Variants in PDZRN4 observed in about 807,000 individuals in gnomAD.
PDZRN4 encodes PDZ domain containing ring finger 4.
Under a neutral mutation model 99.0 loss-of-function variants are expected in PDZRN4, and 70 were observed. The ratio of observed to expected loss-of-function variants is 0.71; its 90% CI spans 0.58 to 0.86. The LOEUF (loss-of-function observed/expected upper bound fraction) is 0.86. Among genes scored for constraint, PDZRN4 ranks in the 40% least tolerant of loss-of-function variants. The pLI, the probability that PDZRN4 is intolerant of heterozygous loss-of-function variation, is 0.00. For synonymous variants in PDZRN4, 551 were observed against 501.6 expected (o/e 1.10, Z -1.32); for missense variants, 1,474 against 1,331.2 (o/e 1.11, Z -1.67).
chr12:41,453,223 G>A (rs78766272), intron 3 of PDZRN4, among the ~76,000 whole-genome samples: 1 of 152,072 alleles, frequency 6.6e-6, no homozygotes, highest in Non-Finnish European at 1.5e-5. Context: ...TGAATCCCTC[G>A]ATCCTGAAGA....
chr12:41,394,207 A>T (rs1166874126), intron 3 of PDZRN4, among the ~76,000 whole-genome samples: 1 of 152,066 alleles, frequency 6.6e-6, no homozygotes. Context: ...AATCCCATTC[A>T]TCAGGGATTC....
At chr12:41,305,920 G>A (rs1044226888) in intron 3 of PDZRN4, among the ~76,000 whole-genome samples, 17 of 152,242 alleles carry the variant, frequency 1.1e-4, no homozygotes, top group African/African-American at 2.2e-4. Context: ...TGAGGCTCAA[G>A]GTACAATTCC....
intron 3 of PDZRN4, among the ~76,000 whole-genome samples, chr12:41,369,161 T>C (rs112997257): frequency 0.011 from 1,623 of 152,226 alleles, 31 homozygotes; most frequent in African/African-American, 0.037. Context: ...ATCTTTATTA[T>C]AGCTTATTAA....
intron 4 of PDZRN4, among the ~76,000 whole-genome samples, chr12:41,507,500 T>A (rs1050877973): frequency 9.9e-5 from 15 of 152,120 alleles, no homozygotes; most frequent in Non-Finnish European, 2.9e-5. Flanking sequence ...CTCTACTTCA[T>A]AAAACAAAGA....
chr12:41,414,450 T>A (rs1452115071), intron 3 of PDZRN4, among the ~76,000 whole-genome samples: 1 of 152,186 alleles, frequency 6.6e-6, no homozygotes, highest in Non-Finnish European at 1.5e-5. Flanking sequence ...AGAATGCCAA[T>A]AATTTGTAAG....
chr12:41,398,135 A>G (rs1952263258), intron 3 of PDZRN4, among the ~76,000 whole-genome samples: 1 of 152,092 alleles, frequency 6.6e-6, no homozygotes, highest in African/African-American at 2.4e-5. Flanking sequence ...ACTATTACTA[A>G]TCTACTCTCA....
intron 3 of PDZRN4, among the ~76,000 whole-genome samples, chr12:41,290,972 A>C (rs1364426543): frequency 6.6e-6 from 1 of 152,128 alleles, no homozygotes; most frequent in Admixed American, 6.5e-5. Context: ...AAATGAGAGA[A>C]TGAAAGCCTC....
chr12:41,361,971 T>C (rs1409912769), intron 3 of PDZRN4, among the ~76,000 whole-genome samples: 1 of 152,044 alleles, frequency 6.6e-6, no homozygotes, highest in Admixed American at 6.6e-5. Flanking sequence ...AGCCATTTGT[T>C]GGCATTATCA....
At chr12:41,540,339 T>C (rs1327784830) in intron 5 of PDZRN4, among the ~76,000 whole-genome samples, 1 of 152,222 alleles carries the variant, frequency 6.6e-6, no homozygotes, top group African/African-American at 2.4e-5. Flanking sequence ...AGGGGTGTTA[T>C]AGTACGGCAT....
intron 3 of PDZRN4, among the ~76,000 whole-genome samples, chr12:41,255,673 G>A (rs1227178220): frequency 3.3e-5 from 5 of 152,116 alleles, no homozygotes; most frequent in African/African-American, 1.2e-4. Flanking sequence ...AATTTAGAAA[G>A]AAAAGAGGTT....
At chr12:41,310,962 T>A (rs1444411342) in intron 3 of PDZRN4, among the ~76,000 whole-genome samples, 3 of 152,176 alleles carry the variant, frequency 2.0e-5, no homozygotes, top group African/African-American at 7.2e-5. Context: ...ATCAGCTTTC[T>A]CTGATCTAGA....
intron 3 of PDZRN4, among the ~76,000 whole-genome samples, chr12:41,239,550 AG>A (rs1951089919): frequency 6.6e-6 from 1 of 152,238 alleles, no homozygotes; most frequent in African/African-American, 2.4e-5. Flanking sequence ...GTAATAACAT[AG>A]GGAAATTACA....
intron 3 of PDZRN4, among the ~76,000 whole-genome samples, chr12:41,340,025 C>CA (rs1000427702): frequency 6.6e-6 from 1 of 151,940 alleles, no homozygotes; most frequent in Non-Finnish European, 1.5e-5. Context: ...GAAAGTTCCT[C>CA]AAAAAACTAA....
chr12:41,557,148 CAAAAAAAAAAAAAAA>C (rs112787721), intron 7 of PDZRN4, among the ~76,000 whole-genome samples: 2 of 57,978 alleles, frequency 3.4e-5, no homozygotes, highest in African/African-American at 8.8e-5. Context: ...GAGACACTCT[CAAAAAAAAAAAAAAA>C]AAAAAAAAAA....
At chr12:41,549,892 G>C (rs1360020548) in intron 5 of PDZRN4, among the ~76,000 whole-genome samples, 1 of 152,124 alleles carries the variant, frequency 6.6e-6, no homozygotes, top group African/African-American at 2.4e-5. Flanking sequence ...GGAGGGTGTT[G>C]AGTGTCTTAC....
At chr12:41,516,742 T>A (rs1370170904) in intron 5 of PDZRN4, among the ~76,000 whole-genome samples, 1 of 151,934 alleles carries the variant, frequency 6.6e-6, no homozygotes, top group East Asian at 1.9e-4. Context: ...CTAAACAGTC[T>A]TGATGTATGG....
chr12:41,411,773 G>A (rs1362033418), intron 3 of PDZRN4: 1 of 152,132 alleles, frequency 6.6e-6, no homozygotes, highest in East Asian at 1.9e-4. Flanking sequence ...ACAAAATAGA[G>A]CAGCTATATT....
At position 41,509,855 on chromosome 12, in the gene PDZRN4, A is replaced by G. The variant is rs370272874; in HGVS notation, c.1145A>G (p.Asn382Ser). The G allele has an allele frequency of 8.7e-6, 14 of 1,603,950 alleles. No homozygotes were observed. Among genetic ancestry groups the G allele is most frequent in the East Asian group, 2.2e-5 (1 of 44,584 alleles). Residue 382 changes from asparagine (N) to serine (S), a missense_variant, in exon 5 of 10, where the codon AAT becomes AGT. Coordinates refer to ENST00000402685, the MANE Select transcript of PDZRN4 (RefSeq NM_001164595.2). ...ATGGAGCATGAATTTTATGAGGACA[A>G]TGAGTATATTTCCAGCTTGCCTGCT... ...HPMEHEFYED[N>S]EYISSLPADA...
At chr12:41,351,296 T>C (rs1565559442) in intron 3 of PDZRN4, among the ~76,000 whole-genome samples, 1 of 152,036 alleles carries the variant, frequency 6.6e-6, no homozygotes, top group Non-Finnish European at 1.5e-5. Flanking sequence ...TATTAGGTAG[T>C]AGTATGGTGT....
Sources: gnomAD v4.1 joint callset for allele counts (sites outside exome capture counted in the v4.1 genomes callset) on GRCh38, gnomAD v4.1.1 for gene constraint, MANE v1.5 for transcripts, NCBI Gene and HGNC (gene_info 2026-07-23, HGNC 2026-07-21) for gene names.